Variants in CACNG4 observed in about 807,000 individuals in gnomAD.
CACNG4 encodes the protein calcium voltage-gated channel auxiliary subunit gamma 4, also known as voltage-dependent calcium channel gamma-4 subunit.
CACNG4 carries 8 observed loss-of-function variants against 22.9 expected under a neutral mutation model. The ratio of observed to expected loss-of-function variants is 0.35; its 90% confidence interval spans 0.21 to 0.63. The LOEUF is 0.63. Ranked by LOEUF, CACNG4 falls within the 30% of genes least tolerant of loss-of-function variation. The probability of loss-of-function intolerance (pLI) is 0.72; values close to 1 mark genes in which losing one functional copy is unlikely to be tolerated. For synonymous variants in CACNG4, 188 were observed against 191.9 expected, an observed-to-expected ratio of 0.98 and a Z score of 0.17; for missense variants, 357 against 455.4, an observed-to-expected ratio of 0.78 and a Z score of 1.97.
At chr17:67,006,467 T>A (rs1445818048) in intron 1 of CACNG4, among the ~76,000 whole-genome samples, 1 of 152,060 alleles carries the variant, frequency 6.6e-6, no homozygotes, top group African/African-American at 2.4e-5. Context: ...CTCCGTCACC[T>A]CCCCAGGCAA....
intron 1 of CACNG4, among the ~76,000 whole-genome samples, chr17:67,017,558 G>A (rs777561937): frequency 3.3e-5 from 5 of 149,678 alleles, no homozygotes; most frequent in Non-Finnish European, 4.4e-5. Context: ...TTGCTCTGTC[G>A]CCAGGCTGGA....
chr17:66,983,557 C>T (rs1032639900), intron 1 of CACNG4, among the ~76,000 whole-genome samples: 3 of 152,116 alleles, frequency 2.0e-5, no homozygotes, highest in African/African-American at 7.2e-5. Flanking sequence ...GTGGGCACAG[C>T]GTCGTGACCA....
rs760242160 is a variant in CACNG4 at position 66,965,260 on chromosome 17, G to A, written c.220+129G>A. The stretch of plus-strand genomic sequence containing the variant: ...CTGCCCGGCGCGCGGGCCGGGGAGA[G>A]GGTGGGCGCGGCGCTGGCTCCGCGC... On this transcript the variant is annotated intron_variant, in intron 1 of 3. Coordinates refer to ENST00000262138, the MANE Select transcript of CACNG4 (RefSeq NM_014405.4). 1,068 of 618,502 alleles carry A rather than the reference G, an allele frequency of 1.7e-3. 4 individuals are homozygous for A. The highest frequency in any genetic ancestry group is 2.5e-3 in the Non-Finnish European group (950 of 378,818). 38.3% of individuals were successfully genotyped at this position (618,502 alleles called of 1,614,324 possible). A position where few individuals can be genotyped will look rare whatever the true frequency, so the allele number is the denominator to read the frequency against.
Position 66,984,905 on chromosome 17 carries a change from C to T in CACNG4, c.220+19774C>T, listed in dbSNP as rs533116964. ...CTGGGAGTCTGTGCTGACAACAAGC[C>T]CAGTGTCATTCTGCTCACCTCGACC... On this transcript the variant is annotated intron_variant, in intron 1 of 3. Coordinates refer to ENST00000262138, the MANE Select transcript of CACNG4 (RefSeq NM_014405.4). This position sits in a 1 kb window ranked among gnomAD's most constrained non-coding sequence, Gnocchi z 4.0. 3.9e-4 allele frequency among the ~76,000 whole-genome samples: 59 copies of T among 152,262 alleles called. No homozygotes were observed. The highest frequency in any genetic ancestry group is 1.4e-3 in the African/African-American group (59 of 41,540).
chr17:66,983,984 A>G (rs1051021214), intron 1 of CACNG4, among the ~76,000 whole-genome samples: 3 of 152,198 alleles, frequency 2.0e-5, no homozygotes, highest in African/African-American at 7.2e-5. Flanking sequence ...TGTGTGAACA[A>G]TGTTCTATAT....
chr17:67,030,734 C>T lies in CACNG4; in HGVS notation c.714C>T (p.Tyr238=), dbSNP rs1240736031. ...SPYARMPSYR[Y]RRRRSRSSSR... Reference sequence around the variant, plus strand: ...ATGCCAGGATGCCGAGCTACAGGTACCGGCGACGGCGCTCGAGGTCCAGCT... The same window carrying T: ...ATGCCAGGATGCCGAGCTACAGGTATCGGCGACGGCGCTCGAGGTCCAGCT... The change falls in exon 4 of 4, where the codon TAC becomes TAT. Residue 238 remains tyrosine, a synonymous_variant. Coordinates refer to ENST00000262138, the MANE Select transcript of CACNG4 (RefSeq NM_014405.4). The surrounding 1 kb of genome is among the most constrained non-coding windows in gnomAD (Gnocchi z 6.4). The T allele has an allele frequency of 5.6e-6, 9 of 1,614,128 alleles. No homozygotes were observed. The Admixed American group carries it at 1.5e-4, about 27-fold the overall frequency.
chr17:67,004,078 G>C (rs1241380290), intron 1 of CACNG4, among the ~76,000 whole-genome samples: 1 of 152,222 alleles, frequency 6.6e-6, no homozygotes, highest in African/African-American at 2.4e-5. Context: ...AATCTGCAGA[G>C]AGCTGTTTCG....
intron 1 of CACNG4, among the ~76,000 whole-genome samples, chr17:66,971,836 C>T (rs1164886134): frequency 2.0e-5 from 3 of 152,162 alleles, no homozygotes; most frequent in Non-Finnish European, 4.4e-5. Flanking sequence ...GGGTCAGAAG[C>T]CTGCTTTATT....
intron 1 of CACNG4, among the ~76,000 whole-genome samples, chr17:66,981,631 C>T (rs1182006317): frequency 6.6e-6 from 1 of 152,184 alleles, no homozygotes; most frequent in Non-Finnish European, 1.5e-5. Flanking sequence ...TCTTGAGCCG[C>T]CCGTGAGTAG....
intron 2 of CACNG4, among the ~76,000 whole-genome samples, chr17:67,024,647 A>T (rs1166996964): frequency 6.6e-6 from 1 of 152,198 alleles, no homozygotes; most frequent in Non-Finnish European, 1.5e-5. Flanking sequence ...TCCAGGGTGA[A>T]GGGCAGGCCC....
At chr17:67,017,540 A>G (rs2035506474) in intron 1 of CACNG4, among the ~76,000 whole-genome samples, 1 of 151,026 alleles carries the variant, frequency 6.6e-6, no homozygotes, top group African/African-American at 2.4e-5. Context: ...GTTGTTTGAG[A>G]CAGAGTCTTG....
In CACNG4 at chr17:67,032,660, A is replaced by G. The variant is rs1458675948; in HGVS notation, c.*1656A>G. 6.5e-6 allele frequency: 1 copy of G among 154,574 alleles called. No individual in the cohort carries two copies. Among genetic ancestry groups the G allele is most frequent in the Non-Finnish European group, 1.4e-5 (1 of 69,694 alleles). 9.6% of individuals were successfully genotyped at this position (154,574 alleles called of 1,614,324 possible). The stretch of plus-strand genomic sequence containing the variant: ...AGCTGACTGTCGCCGTGTGCTGGGG[A>G]TCTGAAATGAGGCCTGCCAGGGCCC... On this transcript the variant is annotated 3_prime_UTR_variant, in exon 4 of 4. Coordinates refer to ENST00000262138, the MANE Select transcript of CACNG4 (RefSeq NM_014405.4).
intron 1 of CACNG4, among the ~76,000 whole-genome samples, chr17:66,996,304 G>A (rs1000536133): frequency 1.3e-5 from 2 of 151,710 alleles, no homozygotes; most frequent in East Asian, 1.9e-4. Flanking sequence ...AGCCAGGAGA[G>A]AGCAGTGCCT....
At position 67,030,830 on chromosome 17, in the gene CACNG4, C is replaced by T. The variant is rs763536190; in HGVS notation, c.810C>T (p.Pro270=). The T allele has an allele frequency of 6.2e-6, 10 of 1,613,862 alleles. No homozygotes were observed. The highest frequency in any genetic ancestry group is 2.7e-5 in the African/African-American group (2 of 74,908). ...GCCTGAAGATCACAGGGGCCATCCC[C>T]ATGGGGGAGCTGTCCATGTACACGC... is the stretch of plus-strand genomic sequence containing the variant. The part of the protein sequence containing the change: ...PMGLKITGAI[P]MGELSMYTLS... The change falls in exon 4 of 4, where the codon CCC becomes CCT. Residue 270 remains proline, a synonymous_variant. Transcript: ENST00000262138. The surrounding 1 kb of genome is among the most constrained non-coding windows in gnomAD (Gnocchi z 6.4).
rs1184803592 is a variant in CACNG4, at chr17:67,024,931, G to A, written c.376G>A (p.Gly126Ser). The change falls in exon 3 of 4, where the codon GGT becomes AGT. Residue 126 changes from glycine to serine, a missense_variant. Physicochemically the swap from Gly to Ser is moderately conservative, Grantham distance 56. Coordinates refer to ENST00000262138, the MANE Select transcript of CACNG4 (RefSeq NM_014405.4). ...ILLLLGGLCI[G>S]AGRIYSRKNN... ...GCTCCTGCTGGGTGGCCTGTGCATC[G>A]GTGCTGGCAGGATCTACAGCCGCAA... 1.6e-5 allele frequency: 26 copies of A among 1,606,264 alleles called. No individual in the cohort carries two copies. The highest frequency in any genetic ancestry group is 2.1e-5 in the Non-Finnish European group (25 of 1,177,608).
intron 1 of CACNG4, among the ~76,000 whole-genome samples, chr17:66,993,971 T>C (rs576718795): frequency 2.6e-5 from 4 of 152,040 alleles, no homozygotes; most frequent in Admixed American, 2.6e-4. Flanking sequence ...TATCCATCTG[T>C]CTCTATATGT....
chr17:66,978,616 C>T (rs957158050), intron 1 of CACNG4, among the ~76,000 whole-genome samples: 6 of 152,312 alleles, frequency 3.9e-5, no homozygotes, highest in South Asian at 2.1e-4. Context: ...CATTAACATG[C>T]GATGGGGGAG....
At chr17:67,029,700 G>A (rs1445674749) in intron 3 of CACNG4, among the ~76,000 whole-genome samples, 1 of 152,196 alleles carries the variant, frequency 6.6e-6, no homozygotes, top group Admixed American at 6.5e-5. Flanking sequence ...AATGTACCAG[G>A]TTGTTTTCTT....
At chr17:66,988,579 A>G (rs2035319361) in intron 1 of CACNG4, among the ~76,000 whole-genome samples, 1 of 151,608 alleles carries the variant, frequency 6.6e-6, no homozygotes, top group African/African-American at 2.4e-5. Context: ...TCAGTAATGC[A>G]TCCGGCCCTT....
Sources: allele counts gnomAD v4.1 joint callset (sites outside exome capture counted in the v4.1 genomes callset), GRCh38; gene constraint gnomAD v4.1.1; non-coding constraint Gnocchi (gnomAD v3.1); transcripts MANE v1.5; gene names NCBI Gene and HGNC (gene_info 2026-07-23, HGNC 2026-07-21).